The following CCDC82 variants were observed in gnomAD, a reference collection of about 807,000 sequenced individuals.
The protein encoded by CCDC82 is coiled-coil domain containing 82, also known as coiled-coil domain-containing protein 82.
In CCDC82, 47 loss-of-function variants were observed where a neutral mutation model predicts 60.6. That is an observed-to-expected ratio of 0.77 (90% CI 0.61 to 0.99). The LOEUF (loss-of-function observed/expected upper bound fraction) is 0.99. Ranked by LOEUF, CCDC82 falls within the 50% of genes least tolerant of loss-of-function variation. The pLI is 0.00. For missense variants in CCDC82, 588 were observed against 633.0 expected (o/e 0.93, Z 0.76); for synonymous variants, 212 against 207.4 (o/e 1.02, Z -0.19).
At chr11:96,383,798 T>C (rs960226862) in intron 4 of CCDC82, among the ~76,000 whole-genome samples, 164 bp downstream of exon 4, 4 of 151,986 alleles carry the variant, frequency 2.6e-5, no homozygotes, top group African/African-American at 9.7e-5. Flanking sequence ...TAAAACAGTA[T>C]ATTACGTACA....
At chr11:96,377,050 T>C (rs1268277294) in intron 5 of CCDC82, among the ~76,000 whole-genome samples, 1 of 152,188 alleles carries the variant, frequency 6.6e-6, no homozygotes, top group African/African-American at 2.4e-5. Flanking sequence ...GGTAAATTTA[T>C]TTCAAGAACC....
At chr11:96,382,113 C>T (rs1865905548) in intron 5 of CCDC82, 1 of 151,776 alleles carries the variant, frequency 6.6e-6, no homozygotes, top group Admixed American at 6.6e-5. Context: ...ATACTGCATA[C>T]CAAAGTACAA....
chr11:96,373,720 T>C (rs1352390666), intron 5 of CCDC82, among the ~76,000 whole-genome samples: 1 of 152,164 alleles, frequency 6.6e-6, no homozygotes, highest in Non-Finnish European at 1.5e-5. Context: ...AAGAAAACTG[T>C]TCAGAGAATA....
chr11:96,368,861 G>A (rs552828779), intron 7 of CCDC82, among the ~76,000 whole-genome samples: 12 of 20,858 alleles, frequency 5.8e-4, no homozygotes, highest in African/African-American at 1.1e-3. Context: ...GAGAGACTCC[G>A]TCTCAAAAAA....
chr11:96,364,763 T>C (rs1864856181), intron 8 of CCDC82: 2 of 444,330 alleles, frequency 4.5e-6, no homozygotes, highest in South Asian at 2.9e-5. Context: ...GACTCTGACA[T>C]ACTTCTAACA....
In CCDC82 at chr11:96,371,062, G is replaced by C; in HGVS notation, c.1160C>G (p.Pro387Arg). 6.2e-7 allele frequency: 1 copy of C among 1,607,432 alleles called. No individual in the cohort carries two copies. Among genetic ancestry groups the C allele is most frequent in the Non-Finnish European group, 8.5e-7 (1 of 1,177,152 alleles). Residue 387 changes from proline (P) to arginine (R), a missense_variant, in exon 7 of 10, where the codon CCT becomes CGT. Pro to Arg is a moderately radical substitution (Grantham distance 103, BLOSUM62 -2). Transcript: ENST00000646818. ...TCTAGATACCAAGCTCTCTAGACGA[G>C]GCTGAACAAAGCGGTTATCCAAATA... ...LHYLDNRFVQ[P>R]RLESLVSRSR...
intron 7 of CCDC82, among the ~76,000 whole-genome samples, chr11:96,370,529 G>A (rs2136130676): frequency 6.6e-6 from 1 of 152,252 alleles, no homozygotes; most frequent in East Asian, 1.9e-4. Flanking sequence ...AAATCAAGCA[G>A]GTAACAGGTG....
At chr11:96,388,577 T>C (rs772479544) in intron 1 of CCDC82, 1 of 152,260 alleles carries the variant, frequency 6.6e-6, no homozygotes, top group Admixed American at 6.5e-5. Context: ...ACAGTAACTC[T>C]ATAGCTAAAA....
chr11:96,388,195 G>T (rs1302501601), intron 1 of CCDC82: 1 of 152,162 alleles, frequency 6.6e-6, no homozygotes, highest in Non-Finnish European at 1.5e-5. Context: ...GATAACGGAG[G>T]GAAAAGGTGA....
At chr11:96,381,435 A>G (rs995005061) in intron 5 of CCDC82, 4 of 151,946 alleles carry the variant, frequency 2.6e-5, no homozygotes, top group African/African-American at 9.6e-5. Flanking sequence ...ATCATGAGAT[A>G]TAAATCAAGT....
intron 5 of CCDC82, among the ~76,000 whole-genome samples, chr11:96,377,552 G>T (rs150709374): frequency 6.6e-6 from 1 of 152,064 alleles, no homozygotes; most frequent in Non-Finnish European, 1.5e-5. Context: ...TGTAAAGGAC[G>T]TATGTTCCTA....
intron 9 of CCDC82, 129 bp downstream of exon 9, chr11:96,358,864 G>A: frequency 2.1e-6 from 2 of 950,190 alleles, no homozygotes; most frequent in Non-Finnish European, 3.1e-6. Flanking sequence ...AGCGGAAGAA[G>A]AGAAAATACA....
intron 5 of CCDC82, among the ~76,000 whole-genome samples, chr11:96,377,019 G>A (rs1263356530): frequency 6.6e-6 from 1 of 152,100 alleles, no homozygotes; most frequent in Non-Finnish European, 1.5e-5. Flanking sequence ...ACAACCCCCA[G>A]GAGGATGTGG....
At position 96,353,388 on chromosome 11, in the gene CCDC82, A is replaced by G. The variant is rs1864179563; in HGVS notation, c.*258T>C. 1 of 352,566 alleles carries G rather than the reference A, an allele frequency of 2.8e-6. No individual in the cohort carries two copies. The highest frequency in any genetic ancestry group is 5.1e-6 in the Non-Finnish European group (1 of 194,556). 21.8% of individuals were successfully genotyped at this position (352,566 alleles called of 1,614,324 possible). Reference sequence around the variant, plus strand: ...CTCATTCACTTGACAGTCATCTGTTATAAAGCCATTATTATATAACTTTAA... The same window carrying G: ...CTCATTCACTTGACAGTCATCTGTTGTAAAGCCATTATTATATAACTTTAA... On this transcript the variant is annotated 3_prime_UTR_variant, in exon 10 of 10. Coordinates refer to ENST00000646818, the MANE Select transcript of CCDC82 (RefSeq NM_024725.4).
intron 5 of CCDC82, among the ~76,000 whole-genome samples, chr11:96,379,523 G>C (rs1207621749): frequency 6.6e-6 from 1 of 151,770 alleles, no homozygotes; most frequent in East Asian, 1.9e-4. Context: ...ATATAGAAAA[G>C]GGAAGCTGGT....
chr11:96,365,226 C>A, intron 7 of CCDC82, 76 bp from the exon 8 acceptor site: 1 of 958,314 alleles, frequency 1.0e-6, no homozygotes. Context: ...CCAATTAAAA[C>A]ATCTTAGGGA....
chr11:96,370,740 C>T (rs1865217667), intron 7 of CCDC82, among the ~76,000 whole-genome samples: 1 of 152,104 alleles, frequency 6.6e-6, no homozygotes, highest in African/African-American at 2.4e-5. Flanking sequence ...ATAACAACAC[C>T]GTGTGAGACA....
chr11:96,373,567 A>C, intron 5 of CCDC82, 100 bp from the exon 6 acceptor site: 1 of 674,588 alleles, frequency 1.5e-6, no homozygotes, highest in South Asian at 1.9e-5. Context: ...AAAACTATAG[A>C]TAGCACAAAC....
At chr11:96,387,644 A>C (rs953386077) in intron 1 of CCDC82, 31 bp from the exon 2 acceptor site, 1 of 152,212 alleles carries the variant, frequency 6.6e-6, no homozygotes, top group Non-Finnish European at 1.5e-5. Context: ...CAAGATAGTA[A>C]AAATTAAGCC....
Sources: gnomAD v4.1 joint callset for allele counts (sites outside exome capture counted in the v4.1 genomes callset) on GRCh38, gnomAD v4.1.1 for gene constraint, MANE v1.5 for transcripts, NCBI Gene and HGNC (gene_info 2026-07-23, HGNC 2026-07-21) for gene names.